Variants in COL4A2 observed in about 807,000 individuals in gnomAD.
COL4A2 encodes collagen alpha-2(IV) chain.
In COL4A2, 99 loss-of-function variants were observed where a neutral mutation model predicts 200.2. The ratio of observed to expected loss-of-function variants is 0.49; its 90% confidence interval spans 0.42 to 0.58. The LOEUF (loss-of-function observed/expected upper bound fraction) is 0.58, where lower values mean the gene tolerates loss of function less well. Ranked by LOEUF, COL4A2 falls within the 20% of genes least tolerant of loss-of-function variation. The pLI, the probability that COL4A2 is intolerant of heterozygous loss-of-function variation, is 0.00. For missense variants in COL4A2, 1,950 were observed against 2,314.1 expected (o/e 0.84, Z 3.23); for synonymous variants, 897 against 900.6 (o/e 1.00, Z 0.07).
chr13:110,428,433 G>T, intron 6 of COL4A2, 34 bp from the exon 7 acceptor site: 1 of 1,283,940 alleles, frequency 7.8e-7, no homozygotes, highest in Non-Finnish European at 1.1e-6. Flanking sequence ...GAAGCCTGCT[G>T]GTTGGCTGAT....
rs1344111908 is a variant in COL4A2 at position 110,467,046 on chromosome 13, T to C, written c.2045T>C (p.Ile682Thr). Residue 682 changes from isoleucine to threonine, a missense_variant, in exon 27 of 48, where the codon ATA becomes ACA. Physicochemically the swap from Ile to Thr is moderately conservative, Grantham distance 89. This residue lies in a region of COL4A2 where 1,385 missense variants were observed against 1,720.5 expected (regional missense o/e 0.80). Coordinates refer to ENST00000360467, the MANE Select transcript of COL4A2 (RefSeq NM_001846.4). ...DRQEAIQPGC[I>T]GGPKGLPGLP... ...TTCTCCTTTCTGTCCCCAGGTTGCA[T>C]AGGAGGGCCCAAGGGATTGCCAGGC... 6.2e-7 allele frequency: 1 copy of C among 1,613,904 alleles called. No homozygotes were observed. Among genetic ancestry groups the C allele is most frequent in the South Asian group, 1.1e-5 (1 of 91,074 alleles).
At chr13:110,414,243 A>T in intron 4 of COL4A2, among the ~76,000 whole-genome samples, 1 of 152,256 alleles carries the variant, frequency 6.6e-6, no homozygotes, top group African/African-American at 2.4e-5. Context: ...TGGGGCGTTC[A>T]CACTCGTGTG....
chr13:110,493,072 CACCCCCAT>C, intron 38 of COL4A2, 131 bp from the exon 39 acceptor site: 7 of 855,316 alleles, frequency 8.2e-6, no homozygotes, highest in Non-Finnish European at 1.3e-5. Context: ...CGATGAGTGA[CACCCCCAT>C]GGGTGAAATA....
intron 4 of COL4A2, 142 bp downstream of exon 4, chr13:110,357,694 A>G: frequency 3.1e-6 from 4 of 1,277,922 alleles, no homozygotes; most frequent in Non-Finnish European, 4.3e-6. Context: ...ACACAAACCT[A>G]GATGGCCGGG....
chr13:110,351,805 C>G (rs761459712), intron 3 of COL4A2, among the ~76,000 whole-genome samples: 3 of 152,158 alleles, frequency 2.0e-5, no homozygotes, highest in Admixed American at 6.5e-5. Flanking sequence ...AATGTTCATT[C>G]ATTTGCTGAG....
At chr13:110,427,225 C>T (rs1880501687) in intron 6 of COL4A2, among the ~76,000 whole-genome samples, 1 of 152,230 alleles carries the variant, frequency 6.6e-6, no homozygotes, top group African/African-American at 2.4e-5. Flanking sequence ...TCTTAGCTCA[C>T]TGCAACCTCT....
intron 3 of COL4A2, among the ~76,000 whole-genome samples, chr13:110,342,093 G>A (rs971204166): frequency 6.6e-6 from 1 of 152,102 alleles, no homozygotes. Context: ...GTTGACCTCG[G>A]GTACAAGATT....
intron 38 of COL4A2, 45 bp from the exon 39 acceptor site, chr13:110,493,166 C>T (rs750027622): frequency 5.0e-6 from 8 of 1,610,406 alleles, no homozygotes; most frequent in Non-Finnish European, 6.8e-6. Flanking sequence ...CGATGAGTGA[C>T]ACCCCCGCAG....
intron 25 of COL4A2, 121 bp from the exon 26 acceptor site, chr13:110,465,882 C>G: frequency 1.6e-6 from 2 of 1,251,532 alleles, no homozygotes; most frequent in Middle Eastern, 4.4e-4. Context: ...CATTTCAAAG[C>G]CTTCCTGCCC....
intron 3 of COL4A2, among the ~76,000 whole-genome samples, chr13:110,354,961 G>A (rs1877127213): frequency 1.3e-5 from 2 of 152,220 alleles, no homozygotes; most frequent in South Asian, 4.1e-4. Context: ...CAGGAAAGGG[G>A]AAGGTTCCAG....
chr13:110,452,384 G>A (rs12867736), intron 20 of COL4A2, among the ~76,000 whole-genome samples: 4,783 of 152,254 alleles, frequency 0.031, 104 homozygotes, highest in South Asian at 0.083. Context: ...GGATGGTCTC[G>A]ATCTCCTGAC....
At chr13:110,453,415 C>T (rs1268586796) in intron 20 of COL4A2, among the ~76,000 whole-genome samples, 7 of 152,094 alleles carry the variant, frequency 4.6e-5, no homozygotes, top group Admixed American at 3.3e-4. Flanking sequence ...GCAGGAGAAT[C>T]ACTTGAATCC....
intron 22 of COL4A2, chr13:110,459,365 A>C: frequency 6.2e-6 from 1 of 161,320 alleles, no homozygotes; most frequent in Non-Finnish European, 1.4e-5. Flanking sequence ...CAGCATCTAT[A>C]CCACAGAATA....
chr13:110,355,593 TACCAGCTCACCTGTGTGTGTG>T (rs1877191100), intron 3 of COL4A2, among the ~76,000 whole-genome samples: 2 of 17,602 alleles, frequency 1.1e-4, no homozygotes, highest in African/African-American at 6.2e-4. Context: ...GGGAGGGCAG[TACCAGCTCACCTGTGTGTGTG>T]GGGGAGGGCT....
intron 30 of COL4A2, among the ~76,000 whole-genome samples, chr13:110,479,589 G>A (rs1882823685): frequency 6.6e-6 from 1 of 152,206 alleles, no homozygotes; most frequent in African/African-American, 2.4e-5. Flanking sequence ...GAATGCTGGA[G>A]CTAAGGAGTT....
intron 10 of COL4A2, among the ~76,000 whole-genome samples, chr13:110,431,038 A>G (rs891304133): frequency 1.3e-5 from 2 of 152,288 alleles, no homozygotes; most frequent in Admixed American, 1.3e-4. Flanking sequence ...GATACTGGCC[A>G]CTGTTTAACA....
intron 3 of COL4A2, among the ~76,000 whole-genome samples, chr13:110,331,108 A>T (rs960019029): frequency 6.6e-6 from 1 of 152,078 alleles, no homozygotes; most frequent in Admixed American, 6.5e-5. Context: ...TTCTAGAAAG[A>T]TCACAATGGT....
chr13:110,492,422 A>T (rs1883315589), intron 38 of COL4A2, among the ~76,000 whole-genome samples: 2 of 152,178 alleles, frequency 1.3e-5, no homozygotes. Context: ...AGAAGGATGA[A>T]TGAAAGCCTC....
chr13:110,455,328 C>T lies in COL4A2; in HGVS notation c.1340-2015C>T, dbSNP rs183026910. Among the ~76,000 whole-genome samples, 372 of 152,258 alleles carry T rather than the reference C, an allele frequency of 2.4e-3. 2 individuals carry two copies. The highest frequency in any genetic ancestry group is 8.5e-3 in the African/African-American group (354 of 41,556). On this transcript the variant is annotated intron_variant, in intron 20 of 47. Transcript: ENST00000360467. Reference sequence around the variant, plus strand: ...TGCCTATTTCAGGGCCTTTTAGAAACCCTGTCCTCACTCTGGAGCATTCCC... The same window carrying T: ...TGCCTATTTCAGGGCCTTTTAGAAATCCTGTCCTCACTCTGGAGCATTCCC...
Sources: gnomAD v4.1 joint callset for allele counts (sites outside exome capture counted in the v4.1 genomes callset) on GRCh38, gnomAD v4.1.1 for gene constraint, gnomAD v4.1.1 regional missense constraint, MANE v1.5 for transcripts, NCBI Gene and HGNC (gene_info 2026-07-23, HGNC 2026-07-21) for gene names.